The following ZP3 variants were observed in gnomAD, a reference collection of about 807,000 sequenced individuals.
The protein encoded by ZP3 is zona pellucida sperm-binding protein 3.
A neutral mutation model predicts 35.6 loss-of-function variants in ZP3; 21 were observed. The observed-to-expected ratio is 0.59, with a 90% CI of 0.42 to 0.85. The LOEUF is 0.85. Among genes scored for constraint, ZP3 ranks in the 40% least tolerant of loss-of-function variants. The pLI is 0.00. For missense variants in ZP3, 437 were observed against 536.5 expected, an observed-to-expected ratio of 0.81 and a Z score of 1.83; for synonymous variants, 207 against 214.5, an observed-to-expected ratio of 0.96 and a Z score of 0.31.
At chr7:76,397,594 G>C (rs774638389) in exon 1 of ZP3, 109 of 1,607,994 alleles carry the variant, frequency 6.8e-5, no homozygotes, top group Non-Finnish European at 9.1e-5. Flanking sequence ...AGGCTGCCAG[G>C]CGGGGCTCGC....
chr7:76,436,404 G>A (rs1806015156), intron 5 of ZP3, among the ~76,000 whole-genome samples: 1 of 152,146 alleles, frequency 6.6e-6, no homozygotes, highest in Admixed American at 6.6e-5. Context: ...ACTTGGAAAT[G>A]CATCAAAAGC....
At chr7:76,404,512 T>C (rs1804937089) in intron 1 of ZP3, 1 of 1,609,972 alleles carries the variant, frequency 6.2e-7, no homozygotes, top group African/African-American at 1.3e-5. Flanking sequence ...ACATCTGAAA[T>C]TAAAGATCCC....
At chr7:76,436,030 CTTTTTTTTT>C (rs60553917) in intron 5 of ZP3, among the ~76,000 whole-genome samples, 718 of 74,344 alleles carry the variant, frequency 9.7e-3, no homozygotes, top group Non-Finnish European at 0.014. Context: ...CCCCCGCCCC[CTTTTTTTTT>C]TTTTTTTTTT....
At chr7:76,413,515 C>G (rs995113479) in intron 1 of ZP3, among the ~76,000 whole-genome samples, 1 of 151,666 alleles carries the variant, frequency 6.6e-6, no homozygotes, top group African/African-American at 2.4e-5. Context: ...AATCCTCCCA[C>G]CTTGGCTTCC....
chr7:76,427,179 C>T (rs915327086), intron 1 of ZP3, among the ~76,000 whole-genome samples: 4 of 152,134 alleles, frequency 2.6e-5, no homozygotes, highest in African/African-American at 7.2e-5. Context: ...AGCCTGCAAA[C>T]TCCTTCCTCT....
intron 1 of ZP3, among the ~76,000 whole-genome samples, chr7:76,405,313 A>ATG (rs1563687000): frequency 5.8e-5 from 2 of 34,370 alleles, no homozygotes; most frequent in Admixed American, 3.2e-4. Context: ...ATATATATAT[A>ATG]TATGTATTTT....
chr7:76,433,890 G>C, intron 4 of ZP3, 148 bp from the exon 5 acceptor site: 1 of 961,434 alleles, frequency 1.0e-6, no homozygotes, highest in Non-Finnish European at 1.6e-6. Flanking sequence ...GTAGAGACAA[G>C]GTTTCACCAT....
At chr7:76,408,951 C>T (rs1419015094) in intron 1 of ZP3, among the ~76,000 whole-genome samples, 3 of 152,212 alleles carry the variant, frequency 2.0e-5, no homozygotes, top group Non-Finnish European at 4.4e-5. Flanking sequence ...CTTGCAAAGC[C>T]TCACTGTTCT....
At chr7:76,410,346 G>A (rs1467828920) in intron 1 of ZP3, among the ~76,000 whole-genome samples, 1 of 136,728 alleles carries the variant, frequency 7.3e-6, no homozygotes, top group Non-Finnish European at 1.5e-5. Flanking sequence ...TTGCCTTCTT[G>A]TGTAGTTCTT....
At chr7:76,406,359 A>G (rs552231972) in intron 1 of ZP3, among the ~76,000 whole-genome samples, 1 of 152,204 alleles carries the variant, frequency 6.6e-6, no homozygotes, top group African/African-American at 2.4e-5. Flanking sequence ...GTATTGTTTT[A>G]TTTTCAATAA....
At chr7:76,423,313 A>G (rs1805570877), upstream of ZP3, among the ~76,000 whole-genome samples, 1 of 152,208 alleles carries the variant, frequency 6.6e-6, no homozygotes, top group East Asian at 1.9e-4. Flanking sequence ...TATTAGGCAA[A>G]GCATGGGAAT....
chr7:76,416,909 T>TAC lies in ZP3; in HGVS notation c.-66-8141_-66-8140dup, dbSNP rs1192959806. Among the ~76,000 whole-genome samples, 278 of 131,154 alleles carry TAC rather than the reference T, an allele frequency of 2.1e-3. 4 individuals are homozygous for TAC. Among genetic ancestry groups the TAC allele is most frequent in the African/African-American group, 8.2e-3 (245 of 29,888 alleles). The allele number at this position is 131,154 out of a possible 152,430, so 86.0% of individuals were successfully genotyped here. ...ACATATATATACACATACATATGTA[T>TAC]ACATACATATATATACACATACATA... On this transcript the variant is annotated intron_variant, in intron 1 of 8. Transcript: ENST00000336517.
chr7:76,412,661 C>A (rs1013055502), intron 1 of ZP3, among the ~76,000 whole-genome samples: 2 of 151,988 alleles, frequency 1.3e-5, no homozygotes, highest in African/African-American at 2.4e-5. Context: ...ACCAGCCTGA[C>A]CAACATGGAG....
At chr7:76,405,682 C>T (rs1195815681) in intron 1 of ZP3, among the ~76,000 whole-genome samples, 1 of 151,978 alleles carries the variant, frequency 6.6e-6, no homozygotes, top group Non-Finnish European at 1.5e-5. Flanking sequence ...GAGACGACGG[C>T]AGAGGCAAAA....
chr7:76,433,095 T>G, intron 3 of ZP3, 65 bp downstream of exon 3: 1 of 1,372,618 alleles, frequency 7.3e-7, no homozygotes, highest in Non-Finnish European at 1.0e-6. Context: ...CCCCTGCCCT[T>G]GGCTGTGTCT....
chr7:76,419,848 A>G (rs941566608), intron 1 of ZP3, among the ~76,000 whole-genome samples: 3 of 135,204 alleles, frequency 2.2e-5, no homozygotes, highest in Non-Finnish European at 4.6e-5. Context: ...GCCAGGCTGG[A>G]GTGCAGTGGC....
Position 76,432,986 on chromosome 7 carries a change from T to C in ZP3, c.491T>C (p.Val164Ala). 1 of 1,614,102 alleles carries C rather than the reference T, an allele frequency of 6.2e-7. No homozygotes were observed. Among genetic ancestry groups the C allele is most frequent in the South Asian group, 1.1e-5 (1 of 91,064 alleles). Residue 164 changes from valine to alanine, a missense_variant, in exon 3 of 8, where the codon GTG becomes GCG. Coordinates refer to ENST00000394857, the MANE Select transcript of ZP3 (RefSeq NM_001110354.2). ...ACCTGGTTGCCCTTCAGGACCACGGTGTTCTCAGAGGAGAAGCTGACTTTC... is the reference window on the plus strand; with the variant it reads ...ACCTGGTTGCCCTTCAGGACCACGGCGTTCTCAGAGGAGAAGCTGACTTTC... ...LPTWLPFRTT[V>A]FSEEKLTFSL...
At chr7:76,408,980 C>T (rs988379583) in intron 1 of ZP3, among the ~76,000 whole-genome samples, 38 of 152,308 alleles carry the variant, frequency 2.5e-4, no homozygotes, top group Admixed American at 3.9e-4. Context: ...AAATGGCTTT[C>T]GTGATCCACT....
intron 1 of ZP3, among the ~76,000 whole-genome samples, chr7:76,404,752 C>T (rs886228084): frequency 6.6e-6 from 1 of 151,116 alleles, no homozygotes; most frequent in Non-Finnish European, 1.5e-5. Context: ...GGTAACATGG[C>T]GAAAACCTGT....
Sources: gnomAD v4.1 joint callset for allele counts (sites outside exome capture counted in the v4.1 genomes callset) on GRCh38, gnomAD v4.1.1 for gene constraint, MANE v1.5 for transcripts, NCBI Gene and HGNC (gene_info 2026-07-23, HGNC 2026-07-21) for gene names.